PRR33: variants seen among roughly 807,000 people sequenced by gnomAD.
PRR33 encodes the protein proline rich 33, also known as proline-rich protein 33.
A neutral mutation model predicts 0.5 loss-of-function variants in PRR33; 1 was observed. The ratio of observed to expected loss-of-function variants is 2.18; its 90% CI spans 0.77 to 10.34. The LOEUF (loss-of-function observed/expected upper bound fraction) is 10.34, where lower values mean the gene tolerates loss of function less well. Ranked by LOEUF, PRR33 falls within the 30% of genes most tolerant of loss-of-function variation. The pLI, the probability that PRR33 is intolerant of heterozygous loss-of-function variation, is 0.13. For missense variants in PRR33, 552 were observed against 251.8 expected (o/e 2.19, Z -8.07); for synonymous variants, 226 against 110.0 (o/e 2.06, Z -6.60).
chr11:1,894,554 T>C (rs143494457), upstream of PRR33, among the ~76,000 whole-genome samples: 177 of 152,238 alleles, frequency 1.2e-3, no homozygotes, highest in African/African-American at 4.0e-3. Flanking sequence ...TTTTTTACAG[T>C]GTTACATAAA....
upstream of PRR33, among the ~76,000 whole-genome samples, chr11:1,896,703 T>TC (rs1218008743): frequency 6.6e-6 from 1 of 152,196 alleles, no homozygotes; most frequent in Admixed American, 6.5e-5. Context: ...AGGGCGGACA[T>TC]CCCAGCCTCC....
the PRR33 span, among the ~76,000 whole-genome samples, chr11:1,912,543 TCTA>T: frequency 6.6e-6 from 1 of 152,264 alleles, no homozygotes; most frequent in Admixed American, 6.5e-5. Context: ...TCTTCCTCTT[TCTA>T]CTAATTTTTT....
chr11:1,899,494 G>A, the PRR33 span, among the ~76,000 whole-genome samples: 1 of 152,136 alleles, frequency 6.6e-6, no homozygotes, highest in Non-Finnish European at 1.5e-5. Flanking sequence ...ATGCATTAAG[G>A]CCTAGGAGCC....
chr11:1,894,224 A>AGT (rs71025790), upstream of PRR33, among the ~76,000 whole-genome samples: 58,833 of 127,514 alleles, frequency 0.46, 15,578 homozygotes, highest in Non-Finnish European at 0.59. Context: ...GGAGTGTGGG[A>AGT]GTGTGTGTGT....
chr11:1,912,319 A>C, the PRR33 span, among the ~76,000 whole-genome samples: 1 of 152,108 alleles, frequency 6.6e-6, no homozygotes, highest in Non-Finnish European at 1.5e-5. Flanking sequence ...CCTGATTCGG[A>C]ATGCAAGGTT....
chr11:1,893,550 T>C (rs1309268436), upstream of PRR33, among the ~76,000 whole-genome samples: 2 of 123,670 alleles, frequency 1.6e-5, no homozygotes, highest in African/African-American at 6.4e-5. Flanking sequence ...GATGAAGGGA[T>C]GGCTGGATGA....
the PRR33 span, among the ~76,000 whole-genome samples, chr11:1,902,491 G>A: frequency 2.6e-5 from 4 of 152,148 alleles, no homozygotes; most frequent in African/African-American, 4.8e-5. Flanking sequence ...CAAAAGCTCA[G>A]CAGATTCATT....
exon 1 of PRR33, chr11:1,889,167 G>C: frequency 1.5e-6 from 1 of 671,078 alleles, no homozygotes; most frequent in Non-Finnish European, 2.8e-6. Flanking sequence ...CCAGCCAGTC[G>C]CTGTGCGGTT....
At chr11:1,916,293 C>T in the PRR33 span, among the ~76,000 whole-genome samples, 1 of 152,142 alleles carries the variant, frequency 6.6e-6, no homozygotes, top group Non-Finnish European at 1.5e-5. Flanking sequence ...CTTTGCCATT[C>T]CCTTGGGTCC....
chr11:1,897,615 T>C, the PRR33 span, among the ~76,000 whole-genome samples: 1 of 152,214 alleles, frequency 6.6e-6, no homozygotes, highest in African/African-American at 2.4e-5. The surrounding 1 kb of genome is among the most constrained non-coding windows in gnomAD (Gnocchi z 4.0). Flanking sequence ...TGTTTAAAAA[T>C]TCCCTGCCTT....
upstream of PRR33, among the ~76,000 whole-genome samples, chr11:1,894,959 G>C (rs758789109): frequency 2.0e-5 from 3 of 152,172 alleles, no homozygotes; most frequent in Non-Finnish European, 4.4e-5. Flanking sequence ...GACGTGGAGG[G>C]TGCGGTCTGT....
At chr11:1,914,008 G>A in the PRR33 span, among the ~76,000 whole-genome samples, 4 of 152,200 alleles carry the variant, frequency 2.6e-5, no homozygotes, top group Non-Finnish European at 5.9e-5. Flanking sequence ...TGGTGCTCCT[G>A]GGGGGCCTTT....
the PRR33 span, among the ~76,000 whole-genome samples, chr11:1,910,673 G>A: frequency 6.6e-6 from 1 of 152,174 alleles, no homozygotes; most frequent in Non-Finnish European, 1.5e-5. Context: ...GACAATCCTT[G>A]TCTCAATCAA....
At chr11:1,891,316 T>C (rs540120224) in exon 1 of PRR33, 1 of 151,308 alleles carries the variant, frequency 6.6e-6, no homozygotes, top group Non-Finnish European at 1.5e-5. Flanking sequence ...AGAGGCTCTC[T>C]GGTTTGGGGA....
chr11:1,910,571 C>T, the PRR33 span, among the ~76,000 whole-genome samples: 1 of 152,184 alleles, frequency 6.6e-6, no homozygotes, highest in African/African-American at 2.4e-5. Context: ...TTCAAGACAC[C>T]CTTTTAACTT....
chr11:1,899,805 C>T, the PRR33 span, among the ~76,000 whole-genome samples: 2 of 152,142 alleles, frequency 1.3e-5, no homozygotes, highest in Non-Finnish European at 2.9e-5. Context: ...CTTTTAGCTA[C>T]TGCTATAACA....
the PRR33 span, among the ~76,000 whole-genome samples, chr11:1,911,999 T>TAAAA: frequency 2.6e-4 from 7 of 27,004 alleles, no homozygotes; most frequent in Admixed American, 5.9e-4. Flanking sequence ...ACCCCATCTC[T>TAAAA]AAAAAAAAAA....
At chr11:1,907,629 G>A in the PRR33 span, among the ~76,000 whole-genome samples, 31 of 152,140 alleles carry the variant, frequency 2.0e-4, no homozygotes, top group African/African-American at 6.5e-4. Flanking sequence ...GGCCAGGCAC[G>A]TCTCGAACTC....
the PRR33 span, among the ~76,000 whole-genome samples, chr11:1,903,686 G>A: frequency 2.0e-5 from 3 of 152,124 alleles, no homozygotes; most frequent in African/African-American, 2.4e-5. Context: ...AACACGTACG[G>A]ACATACGAGC....
Sources: gnomAD v4.1 joint callset for allele counts (sites outside exome capture counted in the v4.1 genomes callset) on GRCh38, gnomAD v4.1.1 for gene constraint, Gnocchi (gnomAD v3.1) non-coding constraint, MANE v1.5 for transcripts, NCBI Gene and HGNC (gene_info 2026-07-23, HGNC 2026-07-21) for gene names.